The following CPNE7 variants were observed in gnomAD, a reference collection of about 807,000 sequenced individuals.
CPNE7 encodes the protein copine 7.
A neutral mutation model predicts 66.5 loss-of-function variants in CPNE7; 78 were observed. The observed-to-expected ratio is 1.17, with a 90% CI of 0.98 to 1.42. CPNE7 has a LOEUF of 1.42. Ranked by LOEUF, CPNE7 falls within the 40% of genes most tolerant of loss-of-function variation. The probability of loss-of-function intolerance (pLI) is 0.00; values close to 1 mark genes in which losing one functional copy is unlikely to be tolerated. For synonymous variants in CPNE7, 468 were observed against 336.7 expected (o/e 1.39, Z -4.27); for missense variants, 1,012 against 776.6 (o/e 1.30, Z -3.60).
At chr16:89,577,236 G>A (rs1413441570) in intron 1 of CPNE7, among the ~76,000 whole-genome samples, 1 of 152,122 alleles carries the variant, frequency 6.6e-6, no homozygotes, top group African/African-American at 2.4e-5. Context: ...TGCACTTTAG[G>A]GCTGCCCAGC....
rs11644942 is a variant in CPNE7 at position 89,577,672 on chromosome 16, G to C, written c.308G>C (p.Ser103Thr). ...GACACGCATGGGCCCAGCGGCTTCA[G>C]CTGTCAGGAGGACGATTTCCTGGGG... ...VYDTHGPSGF[S>T]CQEDDFLGGM... The change falls in exon 2 of 15, where the codon AGC (serine) becomes ACC (threonine). Residue 103 changes from serine (S) to threonine (T), a missense_variant. By Grantham distance (58) the Ser-to-Thr change is moderately conservative. Coordinates refer to ENST00000319518, the MANE Select transcript of CPNE7 (RefSeq NM_153636.3). 8 of 1,600,674 alleles carry C rather than the reference G, an allele frequency of 5.0e-6. No homozygotes were observed. Among genetic ancestry groups the C allele is most frequent in the Middle Eastern group, 1.7e-4 (1 of 6,052 alleles).
chr16:89,586,357 G>A (rs1210624284), intron 7 of CPNE7, among the ~76,000 whole-genome samples: 2 of 151,940 alleles, frequency 1.3e-5, no homozygotes, highest in African/African-American at 4.8e-5. Flanking sequence ...CCCTGTGTCT[G>A]CCCAGCCCAC....
chr16:89,589,167 C>G (rs903185550), intron 10 of CPNE7, among the ~76,000 whole-genome samples: 4 of 152,180 alleles, frequency 2.6e-5, no homozygotes, highest in African/African-American at 9.7e-5. Context: ...TGGCAGATGC[C>G]TGTAATCCCA....
In CPNE7 at chr16:89,591,236, C is replaced by G. The variant is rs140592731; in HGVS notation, c.1278C>G (p.Ala426=). 3.2e-6 allele frequency: 5 copies of G among 1,585,482 alleles called. No individual in the cohort carries two copies. The highest frequency in any genetic ancestry group is 4.3e-6 in the Non-Finnish European group (5 of 1,166,110). The change falls in exon 13 of 15, where the codon GCC becomes GCG. Residue 426 remains alanine (A), a synonymous_variant. Coordinates refer to ENST00000319518, the MANE Select transcript of CPNE7 (RefSeq NM_153636.3). ...CCAAGGTGGCACGCGTGGCGGCGGC[C>G]GAGGAGAGCACCGGGAAAGCCTCTG... ...IISKVARVAA[A]EESTGKASQY...
At chr16:89,587,190 C>A (rs1211423092) in intron 9 of CPNE7, 88 bp downstream of exon 9, 1 of 518,372 alleles carries the variant, frequency 1.9e-6, no homozygotes, top group Non-Finnish European at 3.1e-6. Context: ...CGCCCCTCCC[C>A]GCCCCCTCAG....
Position 89,591,068 on chromosome 16 carries a change from C to T in CPNE7, c.1168+10C>T, listed in dbSNP as rs377208704. On this transcript the variant is annotated intron_variant, in intron 12 of 14. Transcript: ENST00000319518. ...GACGATGAGTGTGAAGGTAGGAGCT[C>T]GAGGCAGGCCTGGGGAGGGGAGTGC... 40 of 1,613,294 alleles carry T rather than the reference C, an allele frequency of 2.5e-5. No individual in the cohort carries two copies. The highest frequency in any genetic ancestry group is 8.3e-5 in the Admixed American group (5 of 59,968).
intron 13 of CPNE7, among the ~76,000 whole-genome samples, chr16:89,592,915 C>A (rs1436738247): frequency 6.7e-6 from 1 of 149,186 alleles, no homozygotes; most frequent in Non-Finnish European, 1.5e-5. Flanking sequence ...CGGGTTCACG[C>A]CATTCTCCTG....
rs1567958898 is a variant in CPNE7, at chr16:89,586,757, G to A, written c.867+1G>A. 1 of 1,612,084 alleles carries A rather than the reference G, an allele frequency of 6.2e-7. No homozygotes were observed. Reference sequence around the variant, plus strand: ...AGTGGTCGTCCTGGCTGACCTCAAGGTGAGAGGTGGCTGTGCCCGAAGCCT... The same window carrying A: ...AGTGGTCGTCCTGGCTGACCTCAAGATGAGAGGTGGCTGTGCCCGAAGCCT... On this transcript the variant is annotated splice_donor_variant, in intron 8 of 14. Transcript: ENST00000319518. LOFTEE classifies it high-confidence loss of function.
Position 89,576,025 on chromosome 16 carries a change from A to T in CPNE7, c.128A>T (p.Asp43Val). The T allele has an allele frequency of 7.4e-7, 1 of 1,346,906 alleles. No homozygotes were observed. The highest frequency in any genetic ancestry group is 9.5e-7 in the Non-Finnish European group (1 of 1,048,520). The allele number at this position is 1,346,906 out of a possible 1,614,324, so 83.4% of individuals were successfully genotyped here. The change falls in exon 1 of 15, where the codon GAC becomes GTC. Residue 43 changes from aspartate to valine, a missense_variant. Physicochemically the swap from Asp to Val is radical, Grantham distance 152 (BLOSUM62 -3). Coordinates refer to ENST00000319518, the MANE Select transcript of CPNE7 (RefSeq NM_153636.3). ...LLDRDPLTKSDPSVALLQQAQ... is the reference protein window; with the variant it reads ...LLDRDPLTKSVPSVALLQQAQ... ...GACCGCGACCCGCTCACCAAGTCCG[A>T]CCCCAGCGTGGCGTTGCTGCAGCAG...
chr16:89,576,002 C>CCG lies in CPNE7; in HGVS notation c.108_109dup (p.Asp37AlafsTer91). The CCG allele has an allele frequency of 7.3e-7, 1 of 1,375,522 alleles. No homozygotes were observed. Among genetic ancestry groups the CCG allele is most frequent in the Non-Finnish European group, 9.4e-7 (1 of 1,063,732 alleles). 85.2% of individuals were successfully genotyped at this position (1,375,522 alleles called of 1,614,324 possible). A position where few individuals can be genotyped will look rare whatever the true frequency, so the allele number is the denominator to read the frequency against. On this transcript the variant is annotated frameshift_variant, in exon 1 of 15. Transcript: ENST00000319518. LOFTEE classifies it high-confidence loss of function. Reference sequence around the variant, plus strand: ...GGCTCAGCTGCCGGCACCTGCTGGACCGCGACCCGCTCACCAAGTCCGACC... The same window carrying CCG: ...GGCTCAGCTGCCGGCACCTGCTGGACCGCGCGACCCGCTCACCAAGTCCGACC...
chr16:89,588,611 C>T (rs2059121799), intron 9 of CPNE7, 64 bp from the exon 10 acceptor site: 1 of 1,600,706 alleles, frequency 6.2e-7, no homozygotes, highest in South Asian at 1.1e-5. Flanking sequence ...GGTTTCTCTA[C>T]CTGTCAGGAG....
intron 9 of CPNE7, chr16:89,587,536 A>G (rs1211984580): frequency 6.6e-6 from 3 of 453,594 alleles, no homozygotes; most frequent in Non-Finnish European, 1.3e-5. Flanking sequence ...CTTACCTTCC[A>G]CAAACACATT....
intron 2 of CPNE7, among the ~76,000 whole-genome samples, chr16:89,578,129 A>G (rs2058890286): frequency 7.2e-6 from 1 of 138,486 alleles, no homozygotes; most frequent in African/African-American, 2.8e-5. Context: ...CAGTGGCGTG[A>G]TCTCGGCTCA....
chr16:89,596,216 G>A (rs554040885), intron 14 of CPNE7, among the ~76,000 whole-genome samples: 1 of 152,242 alleles, frequency 6.6e-6, no homozygotes, highest in East Asian at 1.9e-4. Flanking sequence ...CCGGGGAAGT[G>A]TGGGTGGGGC....
At chr16:89,578,784 C>T in intron 2 of CPNE7, 3 of 1,448,520 alleles carry the variant, frequency 2.1e-6, no homozygotes, top group Non-Finnish European at 1.8e-6. Flanking sequence ...AAAAAGAAGC[C>T]TCCTTGTGAG....
chr16:89,591,108 C>T lies in CPNE7; in HGVS notation c.1169-19C>T. 1.2e-6 allele frequency: 2 copies of T among 1,612,964 alleles called. No individual in the cohort carries two copies. The highest frequency in any genetic ancestry group is 1.7e-6 in the Non-Finnish European group (2 of 1,179,738). On this transcript the variant is annotated intron_variant, in intron 12 of 14. Coordinates refer to ENST00000319518, the MANE Select transcript of CPNE7 (RefSeq NM_153636.3). Reference sequence around the variant, plus strand: ...GAGGGGAGTGCAGGGGGGCCGGGCTCACCCCCTGCCCCCCACAGGCATCCA... The same window carrying T: ...GAGGGGAGTGCAGGGGGGCCGGGCTTACCCCCTGCCCCCCACAGGCATCCA...
rs923031388 is a variant in CPNE7, at chr16:89,597,072, C to G, written c.*451C>G. The G allele has an allele frequency of 2.6e-5, 4 of 155,674 alleles. No individual in the cohort carries two copies. Among genetic ancestry groups the G allele is most frequent in the African/African-American group, 9.6e-5 (4 of 41,504 alleles). 9.6% of individuals were successfully genotyped at this position (155,674 alleles called of 1,614,324 possible). A position where few individuals can be genotyped will look rare whatever the true frequency, so the allele number is the denominator to read the frequency against. Reference sequence around the variant, plus strand: ...AGCCTGGGGACCCAGACATCCTGTCCCCACAGTCAGCCTCCTGTCCCTGCT... The same window carrying G: ...AGCCTGGGGACCCAGACATCCTGTCGCCACAGTCAGCCTCCTGTCCCTGCT... On this transcript the variant is annotated 3_prime_UTR_variant, in exon 15 of 15. Transcript: ENST00000319518.
At chr16:89,583,551 G>A (rs1186515360) in intron 2 of CPNE7, 146 bp from the exon 3 acceptor site, 1 of 1,585,380 alleles carries the variant, frequency 6.3e-7, no homozygotes, top group East Asian at 2.3e-5. Context: ...AGCCACAAAG[G>A]GGGCGCGGGC....
In CPNE7 at chr16:89,588,677, G is replaced by T; in HGVS notation, c.930G>T (p.Val310=). The change falls in exon 10 of 15, where the codon GTG becomes GTT. Residue 310 remains valine, a splice_region_variant and synonymous_variant. Coordinates refer to ENST00000319518, the MANE Select transcript of CPNE7 (RefSeq NM_153636.3). ...TCCTGGCTCCCGGCCCACTGCAGGT[G>T]GCCATTGACTTCACCGCCTCCAATG... ...IMGGCQIHFT[V]AIDFTASNGD... is the part of the protein sequence containing the mutation. The T allele has an allele frequency of 6.2e-7, 1 of 1,613,122 alleles. No homozygotes were observed.
Sources: gnomAD v4.1 joint callset for allele counts (sites outside exome capture counted in the v4.1 genomes callset) on GRCh38, gnomAD v4.1.1 for gene constraint, MANE v1.5 for transcripts, NCBI Gene and HGNC (gene_info 2026-07-23, HGNC 2026-07-21) for gene names.